LDLRAD4: variants seen among roughly 807,000 people sequenced by gnomAD.
LDLRAD4 encodes low-density lipoprotein receptor class A domain-containing protein 4.
LDLRAD4 carries 5 observed loss-of-function variants against 17.0 expected under a neutral mutation model. The ratio of observed to expected loss-of-function variants is 0.29; its 90% confidence interval spans 0.15 to 0.62. The LOEUF is 0.62. Ranked by LOEUF, LDLRAD4 falls within the 20% of genes least tolerant of loss-of-function variation. The pLI is 0.84. For missense variants in LDLRAD4, 340 were observed against 424.7 expected (o/e 0.80, Z 1.75); for synonymous variants, 168 against 171.8 (o/e 0.98, Z 0.17).
At chr18:13,265,801 G>A (rs1194147292) in intron 1 of LDLRAD4, among the ~76,000 whole-genome samples, 5 of 152,026 alleles carry the variant, frequency 3.3e-5, no homozygotes, top group Non-Finnish European at 7.4e-5. Flanking sequence ...CTGTTGGGGT[G>A]GCCCTGGGAC....
chr18:13,505,912 C>T (rs962189534), intron 3 of LDLRAD4, among the ~76,000 whole-genome samples: 12 of 152,126 alleles, frequency 7.9e-5, no homozygotes, highest in East Asian at 1.9e-4. Flanking sequence ...GTGGTCTGAG[C>T]GGTGCCACCT....
In LDLRAD4 at chr18:13,367,887, G is replaced by T. The variant is rs1254411423; in HGVS notation, c.-382-19454G>T. The stretch of plus-strand genomic sequence containing the variant: ...ATCGAGAGGGGACGACTGGGCATGG[G>T]GGCGTGTGCCTGTGGTCACAGCTAC... On this transcript the variant is annotated intron_variant, in intron 1 of 5. Transcript: ENST00000359446. The surrounding 1 kb of genome is among the most constrained non-coding windows in gnomAD (Gnocchi z 4.1). Among the ~76,000 whole-genome samples the T allele has an allele frequency of 6.6e-6, 1 of 152,012 alleles. No homozygotes were observed. Among genetic ancestry groups the T allele is most frequent in the Non-Finnish European group, 1.5e-5 (1 of 67,970 alleles).
intron 1 of LDLRAD4, among the ~76,000 whole-genome samples, chr18:13,232,468 G>A (rs778320991): frequency 2.2e-4 from 33 of 150,052 alleles, no homozygotes; most frequent in Non-Finnish European, 3.8e-4. Context: ...TTCCTTCCCC[G>A]CGTGGCCTTG....
intron 3 of LDLRAD4, among the ~76,000 whole-genome samples, chr18:13,518,759 G>A (rs1243035250): frequency 1.3e-5 from 2 of 152,198 alleles, no homozygotes; most frequent in South Asian, 2.1e-4. Context: ...TACTGGCTTC[G>A]GTGTTTTTGA....
At chr18:13,619,131 T>C (rs2040350501) in intron 3 of LDLRAD4, among the ~76,000 whole-genome samples, 1 of 152,142 alleles carries the variant, frequency 6.6e-6, no homozygotes, top group Non-Finnish European at 1.5e-5. Context: ...CAATTCACCT[T>C]GTACCAGTTA....
intron 2 of LDLRAD4, among the ~76,000 whole-genome samples, chr18:13,427,195 TAAAC>T (rs200686983): frequency 0.012 from 1,819 of 150,328 alleles, 21 homozygotes; most frequent in Middle Eastern, 0.041. Flanking sequence ...AATAAATAAA[TAAAC>T]AAACAAATAA....
chr18:13,483,434 C>G (rs1555707153), intron 3 of LDLRAD4, among the ~76,000 whole-genome samples: 1 of 152,238 alleles, frequency 6.6e-6, no homozygotes, highest in Non-Finnish European at 1.5e-5. Flanking sequence ...GGACAGACCC[C>G]TGGACCCGGG....
intron 2 of LDLRAD4, among the ~76,000 whole-genome samples, chr18:13,397,147 T>C (rs1430713903): frequency 6.6e-6 from 1 of 151,978 alleles, no homozygotes; most frequent in Admixed American, 6.6e-5. Context: ...TTGTTTTTGT[T>C]TTTTTTTAGA....
chr18:13,314,926 G>A (rs180726539), intron 1 of LDLRAD4, among the ~76,000 whole-genome samples: 5 of 152,260 alleles, frequency 3.3e-5, no homozygotes, highest in African/African-American at 1.2e-4. Flanking sequence ...AGATGTTCTC[G>A]TACGTTGCCC....
chr18:13,422,697 CA>C (rs1239467536), intron 2 of LDLRAD4, among the ~76,000 whole-genome samples: 4 of 152,232 alleles, frequency 2.6e-5, no homozygotes, highest in Admixed American at 2.0e-4. Flanking sequence ...GACTCTGTCT[CA>C]AAAAACAAAA....
chr18:13,405,380 T>C (rs886550678), intron 2 of LDLRAD4, among the ~76,000 whole-genome samples: 22 of 152,266 alleles, frequency 1.4e-4, no homozygotes, highest in African/African-American at 3.8e-4. Context: ...ATGTGTGATC[T>C]TAAAATGGAG....
chr18:13,404,811 A>G (rs904038047), intron 2 of LDLRAD4, among the ~76,000 whole-genome samples: 2 of 152,118 alleles, frequency 1.3e-5, no homozygotes, highest in Admixed American at 1.3e-4. Flanking sequence ...AAAAAAAAAA[A>G]ATTATATTAA....
intron 3 of LDLRAD4, among the ~76,000 whole-genome samples, chr18:13,538,529 GAT>G (rs372066734): frequency 0.087 from 12,616 of 144,524 alleles, 589 homozygotes; most frequent in East Asian, 0.15. Context: ...TGATGTCTAT[GAT>G]TTTTTTTTTT....
exon 6 of LDLRAD4, chr18:13,652,751 A>G (rs1044121638): frequency 6.6e-6 from 1 of 152,626 alleles, no homozygotes; most frequent in Non-Finnish European, 1.5e-5. Context: ...AATCAGCGGC[A>G]TACATTTGTC....
rs141417870 is a variant in LDLRAD4 at position 13,443,130 on chromosome 18, A to G, written c.181+4746A>G. ...GACTTTAGGACTTTTTCAGGAGGCAACTTTTTCCTCCCATTGCCATTTAGG... is the reference window on the plus strand; with the variant it reads ...GACTTTAGGACTTTTTCAGGAGGCAGCTTTTTCCTCCCATTGCCATTTAGG... On this transcript the variant is annotated intron_variant, in intron 3 of 5. Transcript: ENST00000359446. Among the ~76,000 whole-genome samples, 84 of 152,366 alleles carry G rather than the reference A, an allele frequency of 5.5e-4. No individual in the cohort carries two copies. The East Asian group carries it at 7.9e-3, about 14-fold the overall frequency.
At chr18:13,399,207 GAAAAA>G (rs541171135) in intron 2 of LDLRAD4, among the ~76,000 whole-genome samples, 24 of 150,676 alleles carry the variant, frequency 1.6e-4, no homozygotes, top group Admixed American at 1.4e-3. Flanking sequence ...AAAAAAAAGA[GAAAAA>G]AAAGAAAAAA....
intron 2 of LDLRAD4, among the ~76,000 whole-genome samples, chr18:13,395,580 G>A (rs1300841630): frequency 3.3e-5 from 2 of 61,530 alleles, no homozygotes; most frequent in Non-Finnish European, 6.3e-5. Flanking sequence ...GGGAGCTGGC[G>A]TGGGGGCGGG....
intron 3 of LDLRAD4, among the ~76,000 whole-genome samples, chr18:13,439,892 C>A (rs1396892985): frequency 6.6e-6 from 1 of 152,164 alleles, no homozygotes; most frequent in Non-Finnish European, 1.5e-5. Flanking sequence ...AGCCTCAGTG[C>A]CCTCATCTCC....
At chr18:13,326,219 G>C (rs967597576) in intron 1 of LDLRAD4, among the ~76,000 whole-genome samples, 2 of 152,140 alleles carry the variant, frequency 1.3e-5, no homozygotes, top group African/African-American at 4.8e-5. Context: ...TTTCTAAAGA[G>C]GTTTTCAGGA....
Sources: gnomAD v4.1 joint callset for allele counts (sites outside exome capture counted in the v4.1 genomes callset) on GRCh38, gnomAD v4.1.1 for gene constraint, Gnocchi (gnomAD v3.1) non-coding constraint, MANE v1.5 for transcripts, NCBI Gene and HGNC (gene_info 2026-07-23, HGNC 2026-07-21) for gene names.